ABL2: variants seen among roughly 807,000 people sequenced by gnomAD.
ABL2 encodes the protein tyrosine-protein kinase ABL2.
A neutral mutation model predicts 107.7 loss-of-function variants in ABL2; 49 were observed. The observed-to-expected ratio is 0.45, with a 90% confidence interval of 0.36 to 0.58. The LOEUF (loss-of-function observed/expected upper bound fraction) is 0.58, where lower values mean the gene tolerates loss of function less well. Among genes scored for constraint, ABL2 ranks in the 20% least tolerant of loss-of-function variants. The probability of loss-of-function intolerance (pLI) is 0.00; values close to 1 mark genes in which losing one functional copy is unlikely to be tolerated. For missense variants in ABL2, 1,245 were observed against 1,457.0 expected (o/e 0.85, Z 2.37); for synonymous variants, 549 against 548.6 (o/e 1.00, Z -0.01).
intron 1 of ABL2, among the ~76,000 whole-genome samples, chr1:179,154,061 T>G (rs1038772283): frequency 6.6e-6 from 1 of 152,180 alleles, no homozygotes; most frequent in Non-Finnish European, 1.5e-5. Context: ...TCATACCTCT[T>G]AAATATCTCT....
chr1:179,159,315 G>A (rs1658917207), intron 1 of ABL2, among the ~76,000 whole-genome samples: 1 of 152,184 alleles, frequency 6.6e-6, no homozygotes, highest in Non-Finnish European at 1.5e-5. Flanking sequence ...TGCTCCACAA[G>A]CAAGGTAACA....
At chr1:179,199,666 C>T (rs998913930) in intron 1 of ABL2, among the ~76,000 whole-genome samples, 1 of 151,640 alleles carries the variant, frequency 6.6e-6, no homozygotes, top group East Asian at 1.9e-4. Flanking sequence ...AATAATTAAA[C>T]AATCACAGTT....
At chr1:179,133,032 T>C (rs1174786229) in intron 2 of ABL2, among the ~76,000 whole-genome samples, 1 of 151,916 alleles carries the variant, frequency 6.6e-6, no homozygotes, top group Non-Finnish European at 1.5e-5. Flanking sequence ...CTAAATTTTG[T>C]ATTTTCAGTA....
chr1:179,173,098 G>A (rs1013342944), intron 1 of ABL2, among the ~76,000 whole-genome samples: 2 of 151,528 alleles, frequency 1.3e-5, no homozygotes, highest in African/African-American at 4.8e-5. Context: ...GCTTAGGCAG[G>A]AGAATCGCTG....
chr1:179,171,686 C>A (rs1659731014), intron 1 of ABL2, among the ~76,000 whole-genome samples: 1 of 152,114 alleles, frequency 6.6e-6, no homozygotes, highest in African/African-American at 2.4e-5. Flanking sequence ...CCATGCCCAG[C>A]TAACTATTTT....
chr1:179,193,013 T>C (rs868024214), intron 1 of ABL2, among the ~76,000 whole-genome samples: 33 of 152,142 alleles, frequency 2.2e-4, no homozygotes, highest in African/African-American at 6.8e-4. Context: ...GTTGTCTATA[T>C]CAAAGGTCAT....
At chr1:179,193,833 G>A (rs1371317497) in intron 1 of ABL2, among the ~76,000 whole-genome samples, 2 of 152,128 alleles carry the variant, frequency 1.3e-5, no homozygotes, top group Admixed American at 6.5e-5. Flanking sequence ...CCAGGTTCAC[G>A]CCATTCTCCT....
In ABL2 at chr1:179,126,243, G is replaced by T; in HGVS notation, c.687+134C>A. The T allele has an allele frequency of 9.3e-7, 1 of 1,072,044 alleles. No individual in the cohort carries two copies. The highest frequency in any genetic ancestry group is 1.3e-6 in the Non-Finnish European group (1 of 757,282). The allele number at this position is 1,072,044 out of a possible 1,614,324, so 66.4% of individuals were successfully genotyped here. A position where few individuals can be genotyped will look rare whatever the true frequency, so the allele number is the denominator to read the frequency against. ...AGTACAAGCTCTAACATGCCAAAAA[G>T]CCCAAACTCACAAAGCTAGTGAATA... On this transcript the variant is annotated intron_variant, in intron 4 of 11. Transcript: ENST00000502732. The surrounding 1 kb of genome is among the most constrained non-coding windows in gnomAD (Gnocchi z 4.4).
intron 1 of ABL2, among the ~76,000 whole-genome samples, chr1:179,136,321 A>T (rs1354318655): frequency 6.6e-6 from 1 of 151,768 alleles, no homozygotes; most frequent in African/African-American, 2.4e-5. Context: ...GTGTCTGTGT[A>T]GAAAGAGGTA....
intron 1 of ABL2, among the ~76,000 whole-genome samples, chr1:179,154,304 A>T (rs370076490): frequency 6.6e-6 from 1 of 152,224 alleles, no homozygotes; most frequent in Non-Finnish European, 1.5e-5. Flanking sequence ...ACACTTAATT[A>T]TGTGTCGGTC....
At chr1:179,176,338 T>C (rs1389963419) in intron 1 of ABL2, among the ~76,000 whole-genome samples, 1 of 152,152 alleles carries the variant, frequency 6.6e-6, no homozygotes, top group African/African-American at 2.4e-5. Flanking sequence ...TAAAAGAGTA[T>C]AACTGGATTG....
Position 179,229,643 on chromosome 1 carries a change from G to GCCGCCGCCGCCA in ABL2, c.-258_-247dup, listed in dbSNP as rs1376345646. The stretch of plus-strand genomic sequence containing the variant: ...GCTCCGCGCCCCCAACGCCGCCGCC[G>GCCGCCGCCGCCA]CCGCCGCCGCCACCGCCGCCGCCAT... On this transcript the variant is annotated 5_prime_UTR_variant, in exon 1 of 12. Coordinates refer to ENST00000502732, the MANE Select transcript of ABL2 (RefSeq NM_007314.4). The GCCGCCGCCGCCA allele has an allele frequency of 1.8e-4, 91 of 496,720 alleles. 1 individual carries two copies. The highest frequency in any genetic ancestry group is 6.0e-4 in the African/African-American group (29 of 48,006). 30.8% of individuals were successfully genotyped at this position (496,720 alleles called of 1,614,324 possible).
intron 1 of ABL2, among the ~76,000 whole-genome samples, chr1:179,210,509 A>AAAG (rs1553233494): frequency 6.6e-6 from 1 of 150,740 alleles, no homozygotes; most frequent in Non-Finnish European, 1.5e-5. Context: ...CTCACAAAAA[A>AAAG]AAAAAAAAAG....
chr1:179,220,073 C>T (rs934432724), intron 1 of ABL2, among the ~76,000 whole-genome samples: 2 of 152,206 alleles, frequency 1.3e-5, no homozygotes, highest in Admixed American at 1.3e-4. Context: ...CCAATTATAA[C>T]TGATTTTAAA....
At chr1:179,185,725 T>C (rs528948327) in intron 1 of ABL2, among the ~76,000 whole-genome samples, 1 of 152,150 alleles carries the variant, frequency 6.6e-6, no homozygotes, top group Admixed American at 6.5e-5. Flanking sequence ...TAGCTGTACA[T>C]AAAGATTATA....
At chr1:179,148,795 G>T (rs2102725458) in intron 1 of ABL2, among the ~76,000 whole-genome samples, 1 of 151,730 alleles carries the variant, frequency 6.6e-6, no homozygotes, top group South Asian at 2.1e-4. Flanking sequence ...AGCTACTCAG[G>T]AGGCTGAGGC....
At chr1:179,148,224 G>C (rs1658137658) in intron 1 of ABL2, among the ~76,000 whole-genome samples, 1 of 151,712 alleles carries the variant, frequency 6.6e-6, no homozygotes, top group Non-Finnish European at 1.5e-5. Context: ...TTTTTTTGTA[G>C]AGAAGTGGTT....
chr1:179,159,173 T>C (rs901834608), intron 1 of ABL2, among the ~76,000 whole-genome samples: 1 of 152,222 alleles, frequency 6.6e-6, no homozygotes, highest in African/African-American at 2.4e-5. Context: ...ATAACTTGGA[T>C]GTAACCTAAA....
chr1:179,138,521 T>G (rs185236834), intron 1 of ABL2, among the ~76,000 whole-genome samples: 1 of 152,218 alleles, frequency 6.6e-6, no homozygotes, highest in Non-Finnish European at 1.5e-5. Context: ...AATAACACCA[T>G]TGGGACTCAA....
Sources: gnomAD v4.1 joint callset for allele counts (sites outside exome capture counted in the v4.1 genomes callset) on GRCh38, gnomAD v4.1.1 for gene constraint, Gnocchi (gnomAD v3.1) non-coding constraint, MANE v1.5 for transcripts, NCBI Gene and HGNC (gene_info 2026-07-23, HGNC 2026-07-21) for gene names.